The following GPAM variants were observed in gnomAD, a reference collection of about 807,000 sequenced individuals.
The protein encoded by GPAM is glycerol-3-phosphate acyltransferase 1, mitochondrial.
GPAM carries 56 observed loss-of-function variants against 105.0 expected under a neutral mutation model. The observed-to-expected ratio is 0.53, with a 90% CI of 0.43 to 0.67. The LOEUF (loss-of-function observed/expected upper bound fraction) is 0.67, where lower values mean the gene tolerates loss of function less well. GPAM is among the 30% of genes least tolerant of loss of function. The probability of loss-of-function intolerance (pLI) is 0.00; values close to 1 mark genes in which losing one functional copy is unlikely to be tolerated. For synonymous variants in GPAM, 368 were observed against 354.4 expected (o/e 1.04, Z -0.43); for missense variants, 855 against 989.8 (o/e 0.86, Z 1.83).
intron 1 of GPAM, among the ~76,000 whole-genome samples, chr10:112,191,328 A>G (rs1462362478): frequency 6.6e-6 from 1 of 152,140 alleles, no homozygotes; most frequent in African/African-American, 2.4e-5. Flanking sequence ...CCCACCAGAT[A>G]GGGTACATGA....
chr10:112,180,597 T>C lies in GPAM; in HGVS notation c.103-2A>G. Reference sequence around the variant, plus strand: ...GGTGGGTCTAAAGCCACACTCACCCTGACAAATATTAAGAAAAAAATATAG... The same window carrying C: ...GGTGGGTCTAAAGCCACACTCACCCCGACAAATATTAAGAAAAAAATATAG... On this transcript the variant is annotated splice_acceptor_variant, in intron 3 of 21. Coordinates refer to ENST00000348367, the MANE Select transcript of GPAM (RefSeq NM_001244949.2). LOFTEE classifies it high-confidence loss of function. 1.9e-6 allele frequency: 3 copies of C among 1,606,892 alleles called. No individual in the cohort carries two copies. The highest frequency in any genetic ancestry group is 2.6e-6 in the Non-Finnish European group (3 of 1,173,570).
At chr10:112,159,513 G>A (rs1003485644) in intron 17 of GPAM, among the ~76,000 whole-genome samples, 1 of 152,086 alleles carries the variant, frequency 6.6e-6, no homozygotes, top group Non-Finnish European at 1.5e-5. Context: ...GTGAGCCACC[G>A]CACCTGGCCG....
chr10:112,181,647 T>C, intron 3 of GPAM, 36 bp downstream of exon 3: 1 of 1,123,052 alleles, frequency 8.9e-7, no homozygotes, highest in South Asian at 1.2e-5. Context: ...TGAACATTTT[T>C]AGGCTGAGTG....
At chr10:112,187,467 T>G (rs1847609408), upstream of GPAM, among the ~76,000 whole-genome samples, 1 of 152,128 alleles carries the variant, frequency 6.6e-6, no homozygotes, top group Admixed American at 6.5e-5. Context: ...ATATAGAGGA[T>G]CATTTTATAA....
chr10:112,178,115 C>A (rs1210973614), intron 4 of GPAM, 58 bp from the exon 5 acceptor site: 1 of 860,810 alleles, frequency 1.2e-6, no homozygotes, highest in African/African-American at 1.7e-5. Context: ...CGGTGAAGAG[C>A]TCTCATTATG....
At chr10:112,164,187 C>T (rs74568539) in intron 13 of GPAM, among the ~76,000 whole-genome samples, 2,649 of 152,098 alleles carry the variant, frequency 0.017, 84 homozygotes, top group African/African-American at 0.061. Flanking sequence ...ATTTGAATTC[C>T]GAAAAATTCA....
chr10:112,216,227 C>T (rs1048709227), upstream of GPAM, among the ~76,000 whole-genome samples: 11 of 152,222 alleles, frequency 7.2e-5, no homozygotes, highest in African/African-American at 1.4e-4. Context: ...GGGGAACCCT[C>T]TTATTAGGTA....
At chr10:112,162,868 G>GGA (rs1346585274) in intron 14 of GPAM, among the ~76,000 whole-genome samples, 2 of 152,052 alleles carry the variant, frequency 1.3e-5, no homozygotes, top group Admixed American at 6.5e-5. Context: ...ATTTTAAGCA[G>GGA]GATAGAGACA....
chr10:112,209,123 T>G (rs1376960167), intron 1 of GPAM, among the ~76,000 whole-genome samples: 1 of 152,220 alleles, frequency 6.6e-6, no homozygotes, highest in Admixed American at 6.5e-5. Context: ...TCTGTAATGC[T>G]GCACTAAATT....
At chr10:112,214,846 A>T (rs527837178) in intron 1 of GPAM, among the ~76,000 whole-genome samples, 2 of 152,366 alleles carry the variant, frequency 1.3e-5, no homozygotes, top group Non-Finnish European at 2.9e-5. Context: ...GTTCTGAGCC[A>T]GGATGGAGGA....
In GPAM at chr10:112,200,244, T is replaced by TATATAG. The variant is rs61460320; in HGVS notation, n.210+14923_210+14924insCTATAT. 4.8e-4 allele frequency among the ~76,000 whole-genome samples: 59 copies of TATATAG among 123,558 alleles called. 1 individual carries two copies. The highest frequency in any genetic ancestry group is 1.8e-3 in the African/African-American group (57 of 32,372). The allele number at this position is 123,558 out of a possible 152,430, so 81.1% of individuals were successfully genotyped here. On this transcript the variant is annotated intron_variant and non_coding_transcript_variant, in intron 1 of 3. Coordinates refer to the GPAM transcript ENST00000480130. Reference sequence around the variant, plus strand: ...CACTATATGTATATATATATATATATAGAGAGAGAGAGAGAGAGAGAGAGA... The same window carrying TATATAG: ...CACTATATGTATATATATATATATATATATAGAGAGAGAGAGAGAGAGAGAGAGAGA...
At chr10:112,181,852 G>C in intron 2 of GPAM, 39 bp from the exon 3 acceptor site, 3 of 900,832 alleles carry the variant, frequency 3.3e-6, no homozygotes, top group Admixed American at 3.4e-5. Flanking sequence ...ACAAGGAATC[G>C]AGAGAGTAAA....
chr10:112,159,303 C>T (rs1426185406), intron 17 of GPAM, among the ~76,000 whole-genome samples: 2 of 150,082 alleles, frequency 1.3e-5, no homozygotes, highest in Non-Finnish European at 3.0e-5. Flanking sequence ...TCACTGCATC[C>T]TCCGCCTCCC....
chr10:112,171,575 A>G (rs1847313570), intron 9 of GPAM, among the ~76,000 whole-genome samples: 1 of 152,114 alleles, frequency 6.6e-6, no homozygotes, highest in South Asian at 2.1e-4. Context: ...TTCCTAATGC[A>G]TCCCATATTC....
rs537955400 is a variant in GPAM at position 112,213,530 on chromosome 10, C to T, written n.210+1638G>A. On this transcript the variant is annotated intron_variant and non_coding_transcript_variant, in intron 1 of 3. Coordinates refer to the GPAM transcript ENST00000480130. ...GAGAGTTATAAAGGCATGAACCCTGCCTTCACAGCTGTCAGTCTGGTGGGG... is the reference window on the plus strand; with the variant it reads ...GAGAGTTATAAAGGCATGAACCCTGTCTTCACAGCTGTCAGTCTGGTGGGG... Among the ~76,000 whole-genome samples the T allele has an allele frequency of 5.3e-5, 8 of 152,258 alleles. No individual in the cohort carries two copies. In the East Asian group the frequency reaches 1.5e-3, roughly 29 times the overall value.
At chr10:112,163,334 TG>T (rs1589583172) in intron 14 of GPAM, among the ~76,000 whole-genome samples, 1 of 152,324 alleles carries the variant, frequency 6.6e-6, no homozygotes, top group Middle Eastern at 3.4e-3. Flanking sequence ...CAAAAACTCA[TG>T]GGGTCAAAGG....
At chr10:112,210,464 A>T (rs577159163) in intron 1 of GPAM, among the ~76,000 whole-genome samples, 1 of 152,158 alleles carries the variant, frequency 6.6e-6, no homozygotes. Context: ...TAAAACACCA[A>T]TGCCCTGGGA....
chr10:112,150,360 T>A lies in GPAM; in HGVS notation c.*3190A>T. The A allele has an allele frequency of 2.0e-6, 2 of 985,256 alleles. No homozygotes were observed. Among genetic ancestry groups the A allele is most frequent in the Non-Finnish European group, 2.4e-6 (2 of 829,360 alleles). The allele number at this position is 985,256 out of a possible 1,614,324, so 61.0% of individuals were successfully genotyped here. Reference sequence around the variant, plus strand: ...CAATTCATCCATGTATTCTGATACGTTCAGTGAAAAAGCCAGGATCATTGG... The same window carrying A: ...CAATTCATCCATGTATTCTGATACGATCAGTGAAAAAGCCAGGATCATTGG... On this transcript the variant is annotated 3_prime_UTR_variant, in exon 22 of 22. Coordinates refer to ENST00000348367, the MANE Select transcript of GPAM (RefSeq NM_001244949.2).
At chr10:112,211,595 A>AT (rs908853261) in intron 1 of GPAM, among the ~76,000 whole-genome samples, 4 of 152,166 alleles carry the variant, frequency 2.6e-5, no homozygotes, top group African/African-American at 7.2e-5. Flanking sequence ...TGTTTGTGTG[A>AT]TTTTTTAAAT....
Sources: gnomAD v4.1 joint callset for allele counts (sites outside exome capture counted in the v4.1 genomes callset) on GRCh38, gnomAD v4.1.1 for gene constraint, MANE v1.5 for transcripts, NCBI Gene and HGNC (gene_info 2026-07-23, HGNC 2026-07-21) for gene names.